CDH13: variants seen among roughly 807,000 people sequenced by gnomAD.
CDH13 encodes the protein cadherin 13.
In CDH13, 24 loss-of-function variants were observed where a neutral mutation model predicts 63.8. That is an observed-to-expected ratio of 0.38 (90% CI 0.27 to 0.53). CDH13 has a LOEUF of 0.53. Among genes scored for constraint, CDH13 ranks in the 20% least tolerant of loss-of-function variants. The pLI, the probability that CDH13 is intolerant of heterozygous loss-of-function variation, is 0.85. For missense variants in CDH13, 1,049 were observed against 903.1 expected, an observed-to-expected ratio of 1.16 and a Z score of -2.07; for synonymous variants, 503 against 355.3, an observed-to-expected ratio of 1.42 and a Z score of -4.67.
intron 4 of CDH13, among the ~76,000 whole-genome samples, chr16:83,196,971 C>T (rs1468755217): frequency 6.6e-6 from 1 of 152,180 alleles, no homozygotes; most frequent in East Asian, 1.9e-4. Flanking sequence ...CTTATGTTCA[C>T]ACAAAACCTG....
intron 1 of CDH13, among the ~76,000 whole-genome samples, chr16:82,748,901 C>T (rs2034293344): frequency 6.6e-6 from 1 of 152,162 alleles, no homozygotes; most frequent in Admixed American, 6.5e-5. Flanking sequence ...CAACAGATAC[C>T]TGCACCTAGT....
intron 10 of CDH13, among the ~76,000 whole-genome samples, chr16:83,711,925 A>G (rs948802788): frequency 6.6e-6 from 1 of 152,214 alleles, no homozygotes; most frequent in Non-Finnish European, 1.5e-5. Flanking sequence ...AATTTCTTAC[A>G]ATTCTGTAGG....
At chr16:83,318,409 TTA>T (rs1172337398) in intron 5 of CDH13, among the ~76,000 whole-genome samples, 1 of 152,224 alleles carries the variant, frequency 6.6e-6, no homozygotes, top group East Asian at 1.9e-4. Flanking sequence ...TAAAACTGAA[TTA>T]TCTGTTTTTC....
chr16:83,170,561 G>C (rs1802651995), intron 4 of CDH13, among the ~76,000 whole-genome samples: 1 of 152,124 alleles, frequency 6.6e-6, no homozygotes, highest in African/African-American at 2.4e-5. Flanking sequence ...CTATCTGTCA[G>C]TCTTAGTACT....
At chr16:83,299,585 C>G (rs1597696131) in intron 5 of CDH13, among the ~76,000 whole-genome samples, 1 of 152,152 alleles carries the variant, frequency 6.6e-6, no homozygotes, top group African/African-American at 2.4e-5. Context: ...TGAGTACCTC[C>G]TCTGTGTAGG....
chr16:83,650,020 G>GTT (rs1567481620), intron 8 of CDH13, among the ~76,000 whole-genome samples: 2 of 152,154 alleles, frequency 1.3e-5, no homozygotes, highest in African/African-American at 4.8e-5. Context: ...GGAAAATGCG[G>GTT]TGTTTTAATT....
chr16:83,229,574 T>C (rs1421634571), intron 5 of CDH13, among the ~76,000 whole-genome samples: 2 of 152,168 alleles, frequency 1.3e-5, no homozygotes, highest in Non-Finnish European at 2.9e-5. Context: ...CTGTTAGCTG[T>C]TGATTTCTTT....
intron 1 of CDH13, among the ~76,000 whole-genome samples, chr16:82,682,022 C>G (rs1914604011): frequency 6.6e-6 from 1 of 152,238 alleles, no homozygotes; most frequent in Admixed American, 6.5e-5. Context: ...TCAGGTGGGG[C>G]TCTCAAGCCC....
At chr16:83,161,293 G>A (rs2037432719) in intron 4 of CDH13, among the ~76,000 whole-genome samples, 1 of 152,094 alleles carries the variant, frequency 6.6e-6, no homozygotes, top group Non-Finnish European at 1.5e-5. Flanking sequence ...ACTTTGGGAG[G>A]CTAAGTTCAA....
intron 6 of CDH13, among the ~76,000 whole-genome samples, chr16:83,471,057 T>A (rs1020728919): frequency 1.3e-5 from 2 of 152,158 alleles, no homozygotes; most frequent in Non-Finnish European, 2.9e-5. Flanking sequence ...CTTTGACTTC[T>A]GCTTCCCTGT....
chr16:82,847,989 C>G (rs1349135151), intron 1 of CDH13, among the ~76,000 whole-genome samples: 2 of 151,108 alleles, frequency 1.3e-5, no homozygotes, highest in African/African-American at 4.9e-5. Context: ...AGATGAATCT[C>G]TAAATTTAGC....
chr16:82,778,777 C>G (rs1023055298), intron 1 of CDH13, among the ~76,000 whole-genome samples: 1 of 152,130 alleles, frequency 6.6e-6, no homozygotes, highest in Admixed American at 6.6e-5. Context: ...CTAGGAACCC[C>G]TATTTAATCA....
intron 5 of CDH13, among the ~76,000 whole-genome samples, chr16:83,333,730 C>G (rs952279107): frequency 1.3e-5 from 2 of 152,164 alleles, no homozygotes; most frequent in Non-Finnish European, 2.9e-5. Flanking sequence ...ACCTGGAAAG[C>G]TGAAGTTTCT....
At chr16:83,698,703 C>G (rs1202307687) in intron 10 of CDH13, among the ~76,000 whole-genome samples, 1 of 152,188 alleles carries the variant, frequency 6.6e-6, no homozygotes, top group Non-Finnish European at 1.5e-5. Flanking sequence ...GGTCAGTAAC[C>G]CCAACCTTCT....
intron 1 of CDH13, among the ~76,000 whole-genome samples, chr16:82,756,898 A>G (rs1002576752): frequency 2.0e-5 from 3 of 152,192 alleles, no homozygotes; most frequent in Non-Finnish European, 4.4e-5. Context: ...TTTTATTCTC[A>G]TAAGCTCTGT....
At chr16:83,395,272 C>T (rs2091865893) in intron 6 of CDH13, among the ~76,000 whole-genome samples, 1 of 151,666 alleles carries the variant, frequency 6.6e-6, no homozygotes, top group African/African-American at 2.4e-5. Flanking sequence ...CAAGACTGTG[C>T]CACTGCACTC....
intron 1 of CDH13, among the ~76,000 whole-genome samples, 200 bp downstream of exon 1, chr16:82,627,337 C>CTTGTGTGT (rs1361611702): frequency 5.3e-5 from 7 of 131,184 alleles, no homozygotes; most frequent in African/African-American, 2.0e-4. Context: ...CTCTGGCGTG[C>CTTGTGTGT]GTGTGTGTGT....
chr16:83,492,344 T>C (rs992541181), intron 7 of CDH13, among the ~76,000 whole-genome samples: 1 of 152,208 alleles, frequency 6.6e-6, no homozygotes, highest in African/African-American at 2.4e-5. Context: ...TTTAAAACAT[T>C]GGCAGTAATT....
At chr16:83,160,273 A>G (rs1485764032) in intron 4 of CDH13, among the ~76,000 whole-genome samples, 1 of 152,126 alleles carries the variant, frequency 6.6e-6, no homozygotes, top group Non-Finnish European at 1.5e-5. Flanking sequence ...GAGGGAGGCT[A>G]CATGTGGAGG....
Sources: gnomAD v4.1 joint callset for allele counts (sites outside exome capture counted in the v4.1 genomes callset) on GRCh38, gnomAD v4.1.1 for gene constraint, MANE v1.5 for transcripts, NCBI Gene and HGNC (gene_info 2026-07-23, HGNC 2026-07-21) for gene names.